Variants in SYCP1 observed in about 807,000 individuals in gnomAD.
The protein encoded by SYCP1 is synaptonemal complex protein 1.
A neutral mutation model predicts 153.1 loss-of-function variants in SYCP1; 64 were observed. The ratio of observed to expected loss-of-function variants is 0.42; its 90% CI spans 0.34 to 0.51. SYCP1 has a LOEUF of 0.51. SYCP1 is among the 20% of genes least tolerant of loss of function. The pLI is 0.06. For synonymous variants in SYCP1, 384 were observed against 341.8 expected (o/e 1.12, Z -1.36); for missense variants, 997 against 1,049.0 (o/e 0.95, Z 0.68).
chr1:114,873,154 G>A (rs2101439480), intron 8 of SYCP1, among the ~76,000 whole-genome samples: 1 of 152,212 alleles, frequency 6.6e-6, no homozygotes, highest in East Asian at 1.9e-4. Flanking sequence ...CTGTATCAGA[G>A]TCTGGTTCTT....
intron 15 of SYCP1, among the ~76,000 whole-genome samples, chr1:114,891,738 A>G (rs1400868600): frequency 6.6e-6 from 1 of 152,062 alleles, no homozygotes; most frequent in Non-Finnish European, 1.5e-5. Flanking sequence ...AGTAGGTTCT[A>G]TTGCTTCTGC....
chr1:114,955,254 T>C (rs1225533706), intron 27 of SYCP1, among the ~76,000 whole-genome samples: 1 of 152,186 alleles, frequency 6.6e-6, no homozygotes, highest in Non-Finnish European at 1.5e-5. Context: ...ATTTGGTGTA[T>C]GACATATACA....
chr1:114,887,119 T>C (rs984708069), intron 14 of SYCP1, among the ~76,000 whole-genome samples: 4 of 152,012 alleles, frequency 2.6e-5, no homozygotes, highest in African/African-American at 9.7e-5. Context: ...CTCCCCTAAT[T>C]TATATATTTT....
At chr1:114,970,541 T>A (rs907125358) in intron 27 of SYCP1, among the ~76,000 whole-genome samples, 7 of 151,930 alleles carry the variant, frequency 4.6e-5, no homozygotes, top group Admixed American at 4.6e-4. Context: ...GGATAGACTA[T>A]GTCAGAGGAA....
chr1:114,872,668 G>A (rs867999337), intron 8 of SYCP1, among the ~76,000 whole-genome samples: 1 of 151,878 alleles, frequency 6.6e-6, no homozygotes, highest in Admixed American at 6.6e-5. Flanking sequence ...TATACTTTTT[G>A]TAGTTGTCTC....
At chr1:114,960,450 G>A (rs546145702) in intron 27 of SYCP1, among the ~76,000 whole-genome samples, 12 of 152,274 alleles carry the variant, frequency 7.9e-5, no homozygotes, top group African/African-American at 2.9e-4. Flanking sequence ...TTACGGGCGT[G>A]AGCCACCACG....
intron 30 of SYCP1, among the ~76,000 whole-genome samples, chr1:114,991,551 A>G (rs1353699450): frequency 4.6e-5 from 7 of 151,928 alleles, no homozygotes; most frequent in Non-Finnish European, 8.8e-5. Context: ...AAAGGAAAAA[A>G]TAGCCATATC....
At chr1:114,984,945 T>A in intron 30 of SYCP1, 77 bp downstream of exon 30, 1 of 678,896 alleles carries the variant, frequency 1.5e-6, no homozygotes, top group Non-Finnish European at 2.0e-6. Flanking sequence ...TATACATGTA[T>A]AATATATTTA....
At chr1:114,985,335 A>C (rs1673429893) in intron 30 of SYCP1, among the ~76,000 whole-genome samples, 2 of 151,968 alleles carry the variant, frequency 1.3e-5, no homozygotes, top group Admixed American at 1.3e-4. Flanking sequence ...ATCACTCTAA[A>C]GAAGTTAATG....
chr1:114,995,202 C>G lies in SYCP1; in HGVS notation c.*183C>G. ...AACTACATATTGTCTGGAAACCTGT[C>G]ATTGTATTCAGATAATTAGATGATT... On this transcript the variant is annotated 3_prime_UTR_variant, in exon 32 of 32. Coordinates refer to ENST00000369522, the MANE Select transcript of SYCP1 (RefSeq NM_003176.4). The G allele has an allele frequency of 2.0e-6, 1 of 492,202 alleles. No individual in the cohort carries two copies. Among genetic ancestry groups the G allele is most frequent in the Non-Finnish European group, 3.4e-6 (1 of 294,458 alleles). 30.5% of individuals were successfully genotyped at this position (492,202 alleles called of 1,614,324 possible). A position where few individuals can be genotyped will look rare whatever the true frequency, so the allele number is the denominator to read the frequency against.
At chr1:114,939,950 A>G (rs200114785) in intron 23 of SYCP1, among the ~76,000 whole-genome samples, 1 of 152,160 alleles carries the variant, frequency 6.6e-6, no homozygotes, top group East Asian at 1.9e-4. Flanking sequence ...CATCCAGTTC[A>G]TCTACATTTT....
In SYCP1 at chr1:114,962,410, A is replaced by T. The variant is rs551574990; in HGVS notation, c.2322+15090A>T. On this transcript the variant is annotated intron_variant, in intron 27 of 31. Coordinates refer to ENST00000369522, the MANE Select transcript of SYCP1 (RefSeq NM_003176.4). ...AAACAAGTCCTTTTATCATTATGTA[A>T]TGTCTCTTTTTGTCTTTTTAAACTG... Among the ~76,000 whole-genome samples, 7 of 152,120 alleles carry T rather than the reference A, an allele frequency of 4.6e-5. No homozygotes were observed. The East Asian group carries it at 1.4e-3, about 29-fold the overall frequency.
At chr1:114,883,998 A>C (rs958461244) in intron 12 of SYCP1, among the ~76,000 whole-genome samples, 5 of 152,122 alleles carry the variant, frequency 3.3e-5, no homozygotes, top group African/African-American at 1.2e-4. Flanking sequence ...GCCCAGATTT[A>C]CTTTTTCTAT....
intron 27 of SYCP1, among the ~76,000 whole-genome samples, chr1:114,967,981 T>C (rs1672245442): frequency 1.3e-5 from 2 of 152,212 alleles, no homozygotes; most frequent in Non-Finnish European, 2.9e-5. Flanking sequence ...AAAATTCTTT[T>C]CTTTAAGAAT....
intron 16 of SYCP1, among the ~76,000 whole-genome samples, chr1:114,905,375 C>G (rs962975800): frequency 3.9e-5 from 6 of 152,136 alleles, no homozygotes; most frequent in Admixed American, 1.3e-4. Context: ...GATGATGAAT[C>G]CCTGCATCGT....
At position 114,947,314 on chromosome 1, in the gene SYCP1, A is replaced by G; in HGVS notation, c.2316A>G (p.Glu772=). ...SVKKQLEIER[E]EKEKLKREAK... ...AGAAGCAACTTGAAATAGAAAGAGA[A>G]GAGAAGGTAGGTTTTTTGGCATTAT... Residue 772 remains glutamate, a synonymous_variant, in exon 27 of 32, where the codon GAA becomes GAG. Transcript: ENST00000369522. 4 of 1,612,370 alleles carry G rather than the reference A, an allele frequency of 2.5e-6. No individual in the cohort carries two copies. The highest frequency in any genetic ancestry group is 3.4e-6 in the Non-Finnish European group (4 of 1,179,198).
intron 23 of SYCP1, among the ~76,000 whole-genome samples, chr1:114,934,649 T>A (rs981315071): frequency 2.0e-5 from 3 of 152,158 alleles, no homozygotes; most frequent in African/African-American, 7.2e-5. Flanking sequence ...ATCAGTGTGC[T>A]GTATTCAGGA....
At chr1:114,912,901 A>G in intron 18 of SYCP1, 132 bp from the exon 19 acceptor site, 1 of 614,392 alleles carries the variant, frequency 1.6e-6, no homozygotes. Context: ...ATTATAAACC[A>G]ATAGTCAATT....
At chr1:114,854,773 C>A (rs762346494), upstream of SYCP1, 1 of 152,102 alleles carries the variant, frequency 6.6e-6, no homozygotes, top group Non-Finnish European at 1.5e-5. Context: ...TTGTTCCTAG[C>A]GATTAGGGAA....
Sources: gnomAD v4.1 joint callset for allele counts (sites outside exome capture counted in the v4.1 genomes callset) on GRCh38, gnomAD v4.1.1 for gene constraint, MANE v1.5 for transcripts, NCBI Gene and HGNC (gene_info 2026-07-23, HGNC 2026-07-21) for gene names.